Variants in CAP2 observed in about 807,000 individuals in gnomAD.
CAP2 encodes the protein cyclase associated actin cytoskeleton regulatory protein 2.
Under a neutral mutation model 57.7 loss-of-function variants are expected in CAP2, and 24 were observed. The ratio of observed to expected loss-of-function variants is 0.42; its 90% confidence interval spans 0.30 to 0.58. The LOEUF (loss-of-function observed/expected upper bound fraction) is 0.58. Among genes scored for constraint, CAP2 ranks in the 20% least tolerant of loss-of-function variants. The pLI, the probability that CAP2 is intolerant of heterozygous loss-of-function variation, is 0.22. For synonymous variants in CAP2, 194 were observed against 207.2 expected, an observed-to-expected ratio of 0.94 and a Z score of 0.55; for missense variants, 501 against 590.3, an observed-to-expected ratio of 0.85 and a Z score of 1.57.
intron 4 of CAP2, among the ~76,000 whole-genome samples, chr6:17,491,646 T>C (rs969434502): frequency 6.6e-6 from 1 of 152,198 alleles, no homozygotes; most frequent in African/African-American, 2.4e-5. Context: ...ATGCTTTTTT[T>C]GTTTTGCCTA....
intron 2 of CAP2, among the ~76,000 whole-genome samples, chr6:17,424,235 C>A (rs1405366753): frequency 2.0e-5 from 3 of 152,154 alleles, no homozygotes; most frequent in Non-Finnish European, 2.9e-5. Flanking sequence ...TCCGTCTCTA[C>A]TAAAAATGAA....
intron 4 of CAP2, among the ~76,000 whole-genome samples, chr6:17,502,814 C>T (rs1761861749): frequency 6.6e-6 from 1 of 152,144 alleles, no homozygotes; most frequent in South Asian, 2.1e-4. Context: ...ACATTAAGAA[C>T]ATTATGACTT....
chr6:17,551,626 G>A, intron 12 of CAP2, 22 bp downstream of exon 12: 1 of 1,540,520 alleles, frequency 6.5e-7, no homozygotes, highest in South Asian at 1.2e-5. Flanking sequence ...TCAAAAGGCT[G>A]TCAAGAATTT....
intron 7 of CAP2, among the ~76,000 whole-genome samples, chr6:17,526,969 A>AAG (rs1393157900): frequency 5.3e-5 from 8 of 150,268 alleles, no homozygotes; most frequent in African/African-American, 2.0e-4. Flanking sequence ...AAAAAAAAAA[A>AAG]AAAAAAAAAG....
At chr6:17,466,961 T>C (rs1275139471) in intron 4 of CAP2, among the ~76,000 whole-genome samples, 2 of 152,164 alleles carry the variant, frequency 1.3e-5, no homozygotes, top group Admixed American at 6.5e-5. Context: ...CATATAATTA[T>C]TTACTTAGTG....
Position 17,463,124 on chromosome 6 carries a change from G to A in CAP2, c.300+51G>A, listed in dbSNP as rs1760772290. Reference sequence around the variant, plus strand: ...GTGTCCCAGGGTATGCGCAGTGTAAGATGGAAAACAAGGAGGCAACAGAAG... The same window carrying A: ...GTGTCCCAGGGTATGCGCAGTGTAAAATGGAAAACAAGGAGGCAACAGAAG... On this transcript the variant is annotated intron_variant, in intron 4 of 12. Transcript: ENST00000229922. 2 of 1,328,636 alleles carry A rather than the reference G, an allele frequency of 1.5e-6. 1 individual carries two copies. Among genetic ancestry groups the A allele is most frequent in the Admixed American group, 3.5e-5 (2 of 57,752 alleles). The allele number at this position is 1,328,636 out of a possible 1,614,324, so 82.3% of individuals were successfully genotyped here.
At chr6:17,554,628 T>C (rs1763250549) in intron 12 of CAP2, among the ~76,000 whole-genome samples, 1 of 152,222 alleles carries the variant, frequency 6.6e-6, no homozygotes, top group Admixed American at 6.5e-5. Flanking sequence ...TCTAGGAAGA[T>C]AGGTACCCAT....
intron 3 of CAP2, among the ~76,000 whole-genome samples, chr6:17,442,390 C>T (rs1045117403): frequency 3.3e-5 from 5 of 152,136 alleles, no homozygotes; most frequent in Admixed American, 6.5e-5. Flanking sequence ...GTTCTGTGTT[C>T]GCTGACATAA....
chr6:17,472,452 A>C (rs1271639506), intron 4 of CAP2, among the ~76,000 whole-genome samples: 1 of 152,248 alleles, frequency 6.6e-6, no homozygotes, highest in Non-Finnish European at 1.5e-5. Context: ...TTTAAGTTCA[A>C]CTAAAATATC....
chr6:17,394,425 G>T (rs1253085482), intron 1 of CAP2, among the ~76,000 whole-genome samples: 1 of 152,110 alleles, frequency 6.6e-6, no homozygotes. Context: ...AAATCAACCT[G>T]CAGATGGCCT....
intron 7 of CAP2, chr6:17,531,598 C>A (rs1041749974): frequency 6.0e-6 from 9 of 1,489,100 alleles, no homozygotes; most frequent in Non-Finnish European, 8.3e-6. Context: ...GCATTTCTGG[C>A]ACAGCAGGAA....
intron 1 of CAP2, among the ~76,000 whole-genome samples, chr6:17,408,556 C>G (rs1759050187): frequency 6.6e-6 from 1 of 151,888 alleles, no homozygotes; most frequent in South Asian, 2.1e-4. Flanking sequence ...TAGCACTCAT[C>G]ATTCCAGAGA....
intron 3 of CAP2, among the ~76,000 whole-genome samples, chr6:17,431,194 C>G (rs144697250): frequency 6.6e-6 from 1 of 152,160 alleles, no homozygotes; most frequent in East Asian, 1.9e-4. Context: ...AAGTACCTGT[C>G]AGGTGCTATG....
chr6:17,492,414 T>C (rs1409885357), intron 4 of CAP2, among the ~76,000 whole-genome samples: 3 of 152,148 alleles, frequency 2.0e-5, no homozygotes, highest in Admixed American at 2.0e-4. Flanking sequence ...AGCAGGAACA[T>C]GGAACTGCAG....
intron 7 of CAP2, among the ~76,000 whole-genome samples, chr6:17,523,812 G>A (rs1762440818): frequency 6.6e-6 from 1 of 152,152 alleles, no homozygotes; most frequent in Non-Finnish European, 1.5e-5. Flanking sequence ...GGAGTAAAAT[G>A]TTTTTGTAAT....
intron 4 of CAP2, among the ~76,000 whole-genome samples, chr6:17,484,685 C>T (rs1300067011): frequency 3.3e-5 from 5 of 152,090 alleles, no homozygotes; most frequent in East Asian, 1.9e-4. Flanking sequence ...GAGCCGGGTC[C>T]GTGCAAGCAA....
chr6:17,489,037 C>T (rs1258214734), intron 4 of CAP2, among the ~76,000 whole-genome samples: 9 of 152,120 alleles, frequency 5.9e-5, no homozygotes, highest in Admixed American at 4.6e-4. Context: ...TGGCCCACTC[C>T]GGCAAACACA....
At chr6:17,549,405 G>A (rs180761521) in intron 11 of CAP2, among the ~76,000 whole-genome samples, 5 of 152,158 alleles carry the variant, frequency 3.3e-5, no homozygotes, top group African/African-American at 1.2e-4. Context: ...AGAGGTTGTG[G>A]TGAGCCAAGA....
In CAP2 at chr6:17,461,795, A is replaced by G. The variant is rs577859219; in HGVS notation, c.223-1201A>G. Among the ~76,000 whole-genome samples the G allele has an allele frequency of 1.7e-3, 263 of 150,810 alleles. 1 individual carries two copies. Among genetic ancestry groups the G allele is most frequent in the African/African-American group, 5.5e-3 (225 of 41,224 alleles). The stretch of plus-strand genomic sequence containing the variant: ...ATCATGAGGTCAGGAGATCGAGACC[A>G]TCCTGGCGAACACTGTGAAACCCCG... On this transcript the variant is annotated intron_variant, in intron 3 of 12. Transcript: ENST00000229922.
Sources: gnomAD v4.1 joint callset for allele counts (sites outside exome capture counted in the v4.1 genomes callset) on GRCh38, gnomAD v4.1.1 for gene constraint, MANE v1.5 for transcripts, NCBI Gene and HGNC (gene_info 2026-07-23, HGNC 2026-07-21) for gene names.